NRIP1: variants seen among roughly 807,000 people sequenced by gnomAD.
NRIP1 encodes nuclear receptor interacting protein 1, also known as nuclear receptor-interacting protein 1.
In NRIP1, 28 loss-of-function variants were observed where a neutral mutation model predicts 75.0. That is an observed-to-expected ratio of 0.37 (90% CI 0.28 to 0.51). The LOEUF (loss-of-function observed/expected upper bound fraction) is 0.51. NRIP1 is among the 20% of genes least tolerant of loss of function. The probability of loss-of-function intolerance (pLI) is 0.92; values close to 1 mark genes in which losing one functional copy is unlikely to be tolerated. For synonymous variants in NRIP1, 526 were observed against 487.6 expected (o/e 1.08, Z -1.04); for missense variants, 1,435 against 1,343.7 (o/e 1.07, Z -1.06).
chr21:15,065,660 C>G (rs967869539), upstream of NRIP1: 1 of 152,322 alleles, frequency 6.6e-6, no homozygotes, highest in African/African-American at 2.4e-5. Context: ...GACCCCACGC[C>G]CAGCACGTAG....
At chr21:15,061,735 T>C (rs190898922) in intron 1 of NRIP1, among the ~76,000 whole-genome samples, 12 of 152,340 alleles carry the variant, frequency 7.9e-5, no homozygotes, top group African/African-American at 2.9e-4. Flanking sequence ...TTGAGTTTCT[T>C]ACATTCTTTA....
chr21:15,051,271 T>C (rs2089196417), intron 1 of NRIP1: 1 of 194,594 alleles, frequency 5.1e-6, no homozygotes, highest in African/African-American at 2.4e-5. Context: ...AACACAGAAC[T>C]CTGTGTGTGT....
At chr21:14,979,178 A>C (rs61351705) in intron 3 of NRIP1, among the ~76,000 whole-genome samples, 1,797 of 152,330 alleles carry the variant, frequency 0.012, 33 homozygotes, top group African/African-American at 0.041. Context: ...ATACAAAATT[A>C]ACAGAGAGTG....
At position 14,966,064 on chromosome 21, in the gene NRIP1, C is replaced by G. The variant is rs139218138; in HGVS notation, c.2129G>C (p.Arg710Pro). 1 of 1,612,550 alleles carries G rather than the reference C, an allele frequency of 6.2e-7. No individual in the cohort carries two copies. The highest frequency in any genetic ancestry group is 2.2e-5 in the East Asian group (1 of 44,878). The part of the protein sequence containing the change: ...GSEIENLLER[R>P]TVLQLLLGNP... ...CCCCAGGAGCAACTGGAGGACAGTACGTCTTTCAAGCAGATTTTCTATTTC... is the reference window on the plus strand; with the variant it reads ...CCCCAGGAGCAACTGGAGGACAGTAGGTCTTTCAAGCAGATTTTCTATTTC... The change falls in exon 4 of 4, where the codon CGT (arginine) becomes CCT (proline). Residue 710 changes from arginine (R) to proline (P), a missense_variant. Physicochemically the swap from Arg to Pro is moderately radical, Grantham distance 103 (BLOSUM62 -2). Coordinates refer to ENST00000318948, the MANE Select transcript of NRIP1 (RefSeq NM_003489.4).
At chr21:14,988,592 A>G (rs2147059275) in intron 3 of NRIP1, among the ~76,000 whole-genome samples, 2 of 152,134 alleles carry the variant, frequency 1.3e-5, no homozygotes, top group East Asian at 3.9e-4. Flanking sequence ...AATCTAGGTA[A>G]TTAATTCTTT....
chr21:15,034,320 T>C (rs1368789493), intron 2 of NRIP1, among the ~76,000 whole-genome samples: 1 of 152,250 alleles, frequency 6.6e-6, no homozygotes, highest in African/African-American at 2.4e-5. Context: ...GCATGCATTT[T>C]GAAGTAGTTC....
intron 1 of NRIP1, chr21:15,051,018 T>C: frequency 2.5e-6 from 1 of 402,736 alleles, no homozygotes; most frequent in South Asian, 1.8e-5. Flanking sequence ...TAATGCAAAC[T>C]AGCGAATCCT....
At chr21:15,052,260 G>A (rs139439344) in intron 1 of NRIP1, 1 of 152,046 alleles carries the variant, frequency 6.6e-6, no homozygotes, top group Admixed American at 6.6e-5. Flanking sequence ...TAATCTCCAT[G>A]GTGCTTCTGA....
At position 15,036,582 on chromosome 21, in the gene NRIP1, T is replaced by C. The variant is rs76634906; in HGVS notation, c.-458+6913A>G. On this transcript the variant is annotated intron_variant, in intron 2 of 3. Transcript: ENST00000318948. ...CCCAGATATACATGATCTTCAGATTTTGGGGGTTTTTTTGGAGGGGGGGAT... is the reference window on the plus strand; with the variant it reads ...CCCAGATATACATGATCTTCAGATTCTGGGGGTTTTTTTGGAGGGGGGGAT... Among the ~76,000 whole-genome samples, 104 of 151,836 alleles carry C rather than the reference T, an allele frequency of 6.8e-4. 1 individual carries two copies. The highest frequency in any genetic ancestry group is 2.4e-3 in the African/African-American group (100 of 41,390).
chr21:14,994,308 A>G (rs1040725230), intron 3 of NRIP1, among the ~76,000 whole-genome samples: 1 of 152,156 alleles, frequency 6.6e-6, no homozygotes, highest in African/African-American at 2.4e-5. Flanking sequence ...TATTTTTAGT[A>G]GAGACGAGGT....
intron 3 of NRIP1, among the ~76,000 whole-genome samples, chr21:14,982,601 C>T (rs1048202493): frequency 7.2e-5 from 11 of 152,154 alleles, no homozygotes; most frequent in Non-Finnish European, 1.2e-4. Flanking sequence ...GACTCCACGG[C>T]ACTCAGTAGA....
Position 14,967,374 on chromosome 21 carries a change from T to A in NRIP1, c.819A>T (p.Glu273Asp). The change falls in exon 4 of 4, where the codon GAA (glutamate) becomes GAT (aspartate). Residue 273 changes from glutamate (E) to aspartate (D), a missense_variant. Glu to Asp is a conservative substitution (Grantham distance 45). Coordinates refer to ENST00000318948, the MANE Select transcript of NRIP1 (RefSeq NM_003489.4). ...CTCGAGAATACTGCTGCAAATGGGC[T>A]TCGCTTGACAGAAGTAATGCTAACT... ...CSQLALLLSS[E>D]AHLQQYSREH... The A allele has an allele frequency of 1.2e-6, 2 of 1,614,126 alleles. No individual in the cohort carries two copies. Among genetic ancestry groups the A allele is most frequent in the Non-Finnish European group, 1.7e-6 (2 of 1,179,998 alleles).
intron 3 of NRIP1, among the ~76,000 whole-genome samples, chr21:15,011,821 G>C (rs2088110964): frequency 1.3e-5 from 2 of 152,042 alleles, no homozygotes; most frequent in Admixed American, 1.3e-4. Flanking sequence ...AGTATATAAA[G>C]TCCTATAAAA....
At chr21:14,993,348 C>T (rs1965453922) in intron 3 of NRIP1, among the ~76,000 whole-genome samples, 1 of 152,082 alleles carries the variant, frequency 6.6e-6, no homozygotes, top group Non-Finnish European at 1.5e-5. Context: ...AAATTGTCAA[C>T]CTCAACAATT....
intron 3 of NRIP1, chr21:14,991,265 C>T (rs1296111370): frequency 1.3e-5 from 2 of 150,160 alleles, no homozygotes; most frequent in Admixed American, 6.7e-5. Flanking sequence ...TGTGGGACTG[C>T]TCTGAATCTG....
chr21:14,972,164 C>T (rs2146963626), intron 3 of NRIP1, among the ~76,000 whole-genome samples: 1 of 151,726 alleles, frequency 6.6e-6, no homozygotes, highest in Middle Eastern at 3.4e-3. Flanking sequence ...GGCCTGAACG[C>T]ACTTAGCTCC....
At chr21:14,999,578 T>C (rs1014621444) in intron 3 of NRIP1, among the ~76,000 whole-genome samples, 1 of 152,184 alleles carries the variant, frequency 6.6e-6, no homozygotes, top group Non-Finnish European at 1.5e-5. Context: ...AGCTAGATGA[T>C]TTGTGTTTTA....
chr21:15,019,476 T>G (rs1227257581), intron 2 of NRIP1, among the ~76,000 whole-genome samples: 1 of 81,724 alleles, frequency 1.2e-5, no homozygotes, highest in African/African-American at 6.1e-5. Flanking sequence ...ATTTCTTTTT[T>G]TTTTTTTTTT....
intron 2 of NRIP1, among the ~76,000 whole-genome samples, chr21:15,022,437 G>A (rs181465451): frequency 1.4e-4 from 22 of 152,220 alleles, no homozygotes; most frequent in African/African-American, 4.3e-4. Flanking sequence ...AATTGATGCT[G>A]GGCTTAGTAT....
Sources: allele counts gnomAD v4.1 joint callset (sites outside exome capture counted in the v4.1 genomes callset), GRCh38; gene constraint gnomAD v4.1.1; transcripts MANE v1.5; gene names NCBI Gene and HGNC (gene_info 2026-07-23, HGNC 2026-07-21).